Variants in EBF3 observed in about 807,000 individuals in gnomAD.
The protein encoded by EBF3 is transcription factor COE3.
In EBF3, 18 loss-of-function variants were observed where a neutral mutation model predicts 77.1. The observed-to-expected ratio is 0.23, with a 90% CI of 0.16 to 0.35. The LOEUF (loss-of-function observed/expected upper bound fraction) is 0.35, where lower values mean the gene tolerates loss of function less well. Ranked by LOEUF, EBF3 falls within the 10% of genes least tolerant of loss-of-function variation. The pLI, the probability that EBF3 is intolerant of heterozygous loss-of-function variation, is 1.00. For missense variants in EBF3, 558 were observed against 860.0 expected (o/e 0.65, Z 4.39); for synonymous variants, 350 against 343.5 (o/e 1.02, Z -0.21).
Position 129,837,905 on chromosome 10 carries a change from C to A in EBF3, c.*38G>T, listed in dbSNP as rs755522729. ...GAAGTCCGTCCTTTGATGCTGGGTGCTGCGGAAGGTAAACAGAAGTCCCTC... is the reference window on the plus strand; with the variant it reads ...GAAGTCCGTCCTTTGATGCTGGGTGATGCGGAAGGTAAACAGAAGTCCCTC... On this transcript the variant is annotated 3_prime_UTR_variant, in exon 17 of 17. Transcript: ENST00000440978. The A allele has an allele frequency of 1.1e-5, 17 of 1,613,974 alleles. No individual in the cohort carries two copies. The highest frequency in any genetic ancestry group is 1.4e-5 in the Non-Finnish European group (17 of 1,180,002).
intron 10 of EBF3, among the ~76,000 whole-genome samples, chr10:129,850,965 G>A (rs1373350648): frequency 2.0e-5 from 3 of 152,192 alleles, no homozygotes; most frequent in African/African-American, 7.2e-5. Context: ...GTTTACGGGC[G>A]AGAGCCCTGC....
chr10:129,850,388 T>C (rs948273288), intron 10 of EBF3, among the ~76,000 whole-genome samples: 1 of 152,248 alleles, frequency 6.6e-6, no homozygotes, highest in African/African-American at 2.4e-5. Flanking sequence ...TATTCTTCTT[T>C]GATGCCCAAA....
At chr10:129,916,826 A>G (rs1457019038) in intron 6 of EBF3, among the ~76,000 whole-genome samples, 1 of 152,236 alleles carries the variant, frequency 6.6e-6, no homozygotes, top group Non-Finnish European at 1.5e-5. Context: ...AGGGAGGCAC[A>G]GTGAGCAGGA....
At chr10:129,851,318 T>C (rs1389896915) in intron 10 of EBF3, among the ~76,000 whole-genome samples, 2 of 152,186 alleles carry the variant, frequency 1.3e-5, no homozygotes, top group Admixed American at 6.5e-5. Context: ...AAAGCAAATT[T>C]GTTTTATGTT....
At chr10:129,929,123 G>C (rs2060302519) in intron 6 of EBF3, among the ~76,000 whole-genome samples, 1 of 152,232 alleles carries the variant, frequency 6.6e-6, no homozygotes, top group African/African-American at 2.4e-5. Flanking sequence ...AGCCAGAGTA[G>C]AGTGGGAAGT....
At chr10:129,912,370 A>G (rs1367160470) in intron 6 of EBF3, among the ~76,000 whole-genome samples, 1 of 152,170 alleles carries the variant, frequency 6.6e-6, no homozygotes, top group East Asian at 1.9e-4. Context: ...CTGCCTGCTC[A>G]CCAAGGCCTC....
chr10:129,924,667 T>C (rs1856544356), intron 6 of EBF3, among the ~76,000 whole-genome samples: 1 of 152,120 alleles, frequency 6.6e-6, no homozygotes, highest in Non-Finnish European at 1.5e-5. Context: ...GGTATCTGTG[T>C]TTCTTTCTTT....
Position 129,952,659 on chromosome 10 carries a change from T to C in EBF3, c.554+4599A>G, listed in dbSNP as rs543860361. On this transcript the variant is annotated intron_variant, in intron 6 of 16. Coordinates refer to ENST00000440978, the MANE Select transcript of EBF3 (RefSeq NM_001375380.1). This position sits in a 1 kb window ranked among gnomAD's most constrained non-coding sequence, Gnocchi z 4.7. ...TGGAGATGGAGTAGGAATAAAAACA[T>C]TGGGACTGGTCAAATGTTTATCCTC... 2.6e-5 allele frequency among the ~76,000 whole-genome samples: 4 copies of C among 152,170 alleles called. No homozygotes were observed. Among genetic ancestry groups the C allele is most frequent in the African/African-American group, 7.2e-5 (3 of 41,532 alleles).
At chr10:129,921,472 C>T (rs1156420366) in intron 6 of EBF3, among the ~76,000 whole-genome samples, 2 of 152,200 alleles carry the variant, frequency 1.3e-5, no homozygotes, top group African/African-American at 2.4e-5. Context: ...GCAGAGGATA[C>T]CCCCGACCAT....
intron 6 of EBF3, among the ~76,000 whole-genome samples, chr10:129,922,459 T>C (rs1431468852): frequency 1.3e-5 from 2 of 152,204 alleles, no homozygotes; most frequent in Admixed American, 6.5e-5. Flanking sequence ...ATACAAACTC[T>C]GTAGGGTGGG....
At chr10:129,911,883 T>C (rs757939827) in intron 6 of EBF3, among the ~76,000 whole-genome samples, 16 of 151,984 alleles carry the variant, frequency 1.1e-4, no homozygotes, top group Non-Finnish European at 2.2e-4. Flanking sequence ...AAGGAACAAC[T>C]AGAGTGGGCA....
chr10:129,960,133 T>G (rs1161824320), intron 4 of EBF3, among the ~76,000 whole-genome samples: 3 of 143,606 alleles, frequency 2.1e-5, no homozygotes, highest in Non-Finnish European at 4.6e-5. Flanking sequence ...AAAAGTCTAC[T>G]GGGGGAGGGG....
chr10:129,862,218 A>C (rs1258032576), intron 10 of EBF3, among the ~76,000 whole-genome samples: 1 of 152,196 alleles, frequency 6.6e-6, no homozygotes, highest in Non-Finnish European at 1.5e-5. Flanking sequence ...ACTGTTAGCA[A>C]TTACTGGTTG....
At chr10:129,912,192 C>T (rs1395761721) in intron 6 of EBF3, among the ~76,000 whole-genome samples, 1 of 152,194 alleles carries the variant, frequency 6.6e-6, no homozygotes, top group Non-Finnish European at 1.5e-5. Flanking sequence ...TCGCCCTCCA[C>T]TCCTGGCCTC....
intron 4 of EBF3, among the ~76,000 whole-genome samples, chr10:129,960,494 G>GA (rs1157203652): frequency 2.6e-5 from 4 of 152,260 alleles, no homozygotes; most frequent in Non-Finnish European, 4.4e-5. Context: ...GCGCTTCTGA[G>GA]AGAGTGGCTT....
At chr10:129,889,507 C>G (rs1853859857) in intron 6 of EBF3, among the ~76,000 whole-genome samples, 1 of 152,202 alleles carries the variant, frequency 6.6e-6, no homozygotes, top group African/African-American at 2.4e-5. Flanking sequence ...CGGACGGTTC[C>G]ATCATCCACC....
At chr10:129,932,011 G>A (rs879495153) in intron 6 of EBF3, among the ~76,000 whole-genome samples, 11 of 152,130 alleles carry the variant, frequency 7.2e-5, no homozygotes, top group Admixed American at 2.0e-4. Flanking sequence ...CCACCCTGGA[G>A]AGCTAGGCCA....
At position 129,861,765 on chromosome 10, in the gene EBF3, C is replaced by T. The variant is rs1242190910; in HGVS notation, c.1039+5376G>A. ...CAAACTCCAGGACCCATGAGGAAAG[C>T]ATGTGGTTTACATGGAAGGAAGGCA... On this transcript the variant is annotated intron_variant, in intron 10 of 16. Coordinates refer to ENST00000440978, the MANE Select transcript of EBF3 (RefSeq NM_001375380.1). This position sits in a 1 kb window ranked among gnomAD's most constrained non-coding sequence, Gnocchi z 4.3. Among the ~76,000 whole-genome samples, 1 of 152,156 alleles carries T rather than the reference C, an allele frequency of 6.6e-6. No homozygotes were observed. Among genetic ancestry groups the T allele is most frequent in the Non-Finnish European group, 1.5e-5 (1 of 68,024 alleles).
chr10:129,930,830 A>G lies in EBF3; in HGVS notation c.554+26428T>C, dbSNP rs554078054. Among the ~76,000 whole-genome samples the G allele has an allele frequency of 4.1e-5, 6 of 147,218 alleles. No individual in the cohort carries two copies. The South Asian group carries it at 6.5e-4, about 16-fold the overall frequency. On this transcript the variant is annotated intron_variant, in intron 6 of 16. Transcript: ENST00000440978. ...TAACAAATCCCCCTCTCATATATCT[A>G]TATCTGTATCTGTCTATATCTATCT...
Sources: allele counts gnomAD v4.1 joint callset (sites outside exome capture counted in the v4.1 genomes callset), GRCh38; gene constraint gnomAD v4.1.1; non-coding constraint Gnocchi (gnomAD v3.1); transcripts MANE v1.5; gene names NCBI Gene and HGNC (gene_info 2026-07-23, HGNC 2026-07-21).